The following PPP2R5B variants were observed in gnomAD, a reference collection of about 807,000 sequenced individuals.
PPP2R5B encodes protein phosphatase 2 regulatory subunit B'beta.
Under a neutral mutation model 59.9 loss-of-function variants are expected in PPP2R5B, and 19 were observed. The ratio of observed to expected loss-of-function variants is 0.32; its 90% confidence interval spans 0.22 to 0.47. The LOEUF (loss-of-function observed/expected upper bound fraction) is 0.47. Ranked by LOEUF, PPP2R5B falls within the 20% of genes least tolerant of loss-of-function variation. PPP2R5B has a pLI of 1.00. For synonymous variants in PPP2R5B, 286 were observed against 260.5 expected (o/e 1.10, Z -0.94); for missense variants, 441 against 640.2 (o/e 0.69, Z 3.36).
intron 6 of PPP2R5B, 88 bp downstream of exon 6, chr11:64,928,513 A>C: frequency 1.9e-4 from 295 of 1,576,210 alleles, no homozygotes; most frequent in Non-Finnish European, 2.3e-4. Flanking sequence ...GCGGTGGCTC[A>C]CACCTGTAAT....
rs776247652 is a variant in PPP2R5B at position 64,928,393 on chromosome 11, C to T, written c.690C>T (p.Tyr230=). Residue 230 remains tyrosine (Y), a synonymous_variant, in exon 6 of 14, where the codon TAC becomes TAT. Coordinates refer to ENST00000164133, the MANE Select transcript of PPP2R5B (RefSeq NM_006244.4). ...VYGKFLGLRA[Y]IRKQCNHIFL... ...GCAAGTTCCTGGGTCTCCGGGCCTA[C>T]ATCCGCAAACAGTGCAACCACATCT... 4 of 1,614,286 alleles carry T rather than the reference C, an allele frequency of 2.5e-6. No homozygotes were observed. The highest frequency in any genetic ancestry group is 2.2e-5 in the South Asian group (2 of 91,092).
Position 64,925,941 on chromosome 11 carries a change from G to C in PPP2R5B, c.199+8G>C. ...CGCTGCCCCTGCTCAAAGGTGAGCT[G>C]GCTGCTGGCCACTGGGGGAACCGAA... is the stretch of plus-strand genomic sequence containing the variant. On this transcript the variant is annotated splice_region_variant and intron_variant, in intron 2 of 13. Coordinates refer to ENST00000164133, the MANE Select transcript of PPP2R5B (RefSeq NM_006244.4). The surrounding 1 kb of genome is among the most constrained non-coding windows in gnomAD (Gnocchi z 4.6). The C allele has an allele frequency of 6.2e-7, 1 of 1,609,460 alleles. No individual in the cohort carries two copies. The highest frequency in any genetic ancestry group is 2.2e-5 in the East Asian group (1 of 44,814).
intron 6 of PPP2R5B, among the ~76,000 whole-genome samples, chr11:64,929,423 C>T (rs976884856): frequency 1.3e-5 from 2 of 152,104 alleles, no homozygotes; most frequent in Non-Finnish European, 2.9e-5. Context: ...CTAGTTTGCT[C>T]GTCTTTAAAA....
chr11:64,925,767 C>A lies in PPP2R5B; in HGVS notation c.33C>A (p.Pro11=). The change falls in exon 2 of 14, where the codon CCC becomes CCA. Residue 11 remains proline, a synonymous_variant. Coordinates refer to ENST00000164133, the MANE Select transcript of PPP2R5B (RefSeq NM_006244.4). The surrounding 1 kb of genome is among the most constrained non-coding windows in gnomAD (Gnocchi z 4.6). METKLPPAST[P]TSPSSPGLSP... Reference sequence around the variant, plus strand: ...CGAAGCTGCCCCCTGCAAGCACCCCCACTAGCCCCTCCTCCCCCGGGCTGT... The same window carrying A: ...CGAAGCTGCCCCCTGCAAGCACCCCAACTAGCCCCTCCTCCCCCGGGCTGT... 1 of 1,593,462 alleles carries A rather than the reference C, an allele frequency of 6.3e-7. No individual in the cohort carries two copies. Among genetic ancestry groups the A allele is most frequent in the Non-Finnish European group, 8.6e-7 (1 of 1,167,772 alleles).
In PPP2R5B at chr11:64,928,275, CCT is replaced by C; in HGVS notation, c.592-19_592-18del. On this transcript the variant is annotated intron_variant, in intron 5 of 13. Coordinates refer to ENST00000164133, the MANE Select transcript of PPP2R5B (RefSeq NM_006244.4). Reference sequence around the variant, plus strand: ...CCTTTCCCCTGACCCTGACCCTGACCCTGACTCTGGTTCCCACAGCTCCTGGA... The same window carrying C: ...CCTTTCCCCTGACCCTGACCCTGACCGACTCTGGTTCCCACAGCTCCTGGA... The C allele has an allele frequency of 6.2e-7, 1 of 1,613,208 alleles. No individual in the cohort carries two copies. The highest frequency in any genetic ancestry group is 8.5e-7 in the Non-Finnish European group (1 of 1,179,576).
Position 64,933,340 on chromosome 11 carries a change from C to T in PPP2R5B, c.1346+94C>T, listed in dbSNP as rs1406877093. 4.6e-6 allele frequency: 5 copies of T among 1,078,296 alleles called. No individual in the cohort carries two copies. The Admixed American group carries it at 7.7e-5, about 17-fold the overall frequency. The allele number at this position is 1,078,296 out of a possible 1,614,324, so 66.8% of individuals were successfully genotyped here. The stretch of plus-strand genomic sequence containing the variant: ...GGGAACCCGAGGACTACCCCAAACT[C>T]TGTCTGATCAGATGCTGCAAGACTG... On this transcript the variant is annotated intron_variant, in intron 13 of 13. Coordinates refer to ENST00000164133, the MANE Select transcript of PPP2R5B (RefSeq NM_006244.4).
At chr11:64,920,606 C>G (rs1297320316), upstream of PPP2R5B, among the ~76,000 whole-genome samples, 9 of 150,886 alleles carry the variant, frequency 6.0e-5, no homozygotes, top group South Asian at 8.4e-4. Context: ...CAACGAAGTC[C>G]CAAGCCCCAC....
chr11:64,931,887 G>C lies in PPP2R5B; in HGVS notation c.1116+19G>C. The C allele has an allele frequency of 6.2e-7, 1 of 1,612,890 alleles. No individual in the cohort carries two copies. Among genetic ancestry groups the C allele is most frequent in the Non-Finnish European group, 8.5e-7 (1 of 1,179,608 alleles). On this transcript the variant is annotated intron_variant, in intron 11 of 13. Coordinates refer to ENST00000164133, the MANE Select transcript of PPP2R5B (RefSeq NM_006244.4). The surrounding 1 kb of genome is among the most constrained non-coding windows in gnomAD (Gnocchi z 5.0). ...TTTCCAGGTATGAGGCAGGACAGGC[G>C]GGGATGGGAGCAGGGCTGGCCTGGA...
chr11:64,921,271 T>C (rs1471393701), upstream of PPP2R5B, among the ~76,000 whole-genome samples: 2 of 152,132 alleles, frequency 1.3e-5, no homozygotes, highest in African/African-American at 4.8e-5. Context: ...CCAGCAGTTC[T>C]AACAAATACA....
upstream of PPP2R5B, among the ~76,000 whole-genome samples, chr11:64,923,515 C>G (rs1320946250): frequency 3.9e-5 from 6 of 152,200 alleles, no homozygotes; most frequent in Non-Finnish European, 8.8e-5. Context: ...GTGCCGGAGT[C>G]CTGGACCCCA....
intron 2 of PPP2R5B, among the ~76,000 whole-genome samples, chr11:64,926,495 G>C (rs1221796478): frequency 1.3e-5 from 2 of 152,240 alleles, no homozygotes; most frequent in Non-Finnish European, 2.9e-5. Flanking sequence ...CATACTCTCT[G>C]AGCCTGGATT....
In PPP2R5B at chr11:64,934,089, T is replaced by G; in HGVS notation, c.*245T>G. On this transcript the variant is annotated 3_prime_UTR_variant, in exon 14 of 14. Coordinates refer to ENST00000164133, the MANE Select transcript of PPP2R5B (RefSeq NM_006244.4). ...GGCAAGCTTGACCAGGAAGCTGCCA[T>G]CAGGGATCTTCCCCTGCCCCGCAAA... is the stretch of plus-strand genomic sequence containing the variant. The G allele has an allele frequency of 2.3e-6, 1 of 441,228 alleles. No individual in the cohort carries two copies. The allele number at this position is 441,228 out of a possible 1,614,324, so 27.3% of individuals were successfully genotyped here.
At chr11:64,927,042 CCG>C in intron 3 of PPP2R5B, 134 bp downstream of exon 3, 1 of 1,060,898 alleles carries the variant, frequency 9.4e-7, no homozygotes, top group Non-Finnish European at 1.3e-6. Flanking sequence ...TTCCTTCCCC[CCG>C]ACCTGCTGCT....
chr11:64,926,789 T>C lies in PPP2R5B; in HGVS notation c.277T>C (p.Cys93Arg). ...TGGGGTGATGTTTGACTTCTTGGAC[T>C]GTGTGGCCGACCTCAAGGGGAAGGA... ...QCGVMFDFLD[C>R]VADLKGKEVK... The change falls in exon 3 of 14, where the codon TGT becomes CGT. Residue 93 changes from cysteine (C) to arginine (R), a missense_variant. Physicochemically the swap from Cys to Arg is radical, Grantham distance 180. This residue lies in a region of PPP2R5B where 268 missense variants were observed against 488.1 expected (regional missense o/e 0.55). Transcript: ENST00000164133. 1.9e-6 allele frequency: 3 copies of C among 1,614,166 alleles called. No individual in the cohort carries two copies. The highest frequency in any genetic ancestry group is 1.3e-5 in the African/African-American group (1 of 75,054).
intron 3 of PPP2R5B, 73 bp downstream of exon 3, chr11:64,926,981 C>T: frequency 6.6e-7 from 1 of 1,513,098 alleles, no homozygotes; most frequent in Non-Finnish European, 9.0e-7. Context: ...TCCGCAGGAC[C>T]CCTGCGTGGA....
chr11:64,933,678 C>T lies in PPP2R5B; in HGVS notation c.1347-19C>T, dbSNP rs781001922. On this transcript the variant is annotated intron_variant, in intron 13 of 13. Coordinates refer to ENST00000164133, the MANE Select transcript of PPP2R5B (RefSeq NM_006244.4). ...TGGGGGGCCCCAGGAAAGGGAGCTG[C>T]CTCACCCTCTCTCCCCAGGGAGCAG... 1.7e-5 allele frequency: 27 copies of T among 1,545,428 alleles called. No individual in the cohort carries two copies. The highest frequency in any genetic ancestry group is 2.1e-5 in the Non-Finnish European group (24 of 1,144,060).
Position 64,933,223 on chromosome 11 carries a change from C to T in PPP2R5B, c.1323C>T (p.Ala441=), listed in dbSNP as rs770744755. 6.2e-6 allele frequency: 10 copies of T among 1,611,318 alleles called. No homozygotes were observed. In the East Asian group the frequency reaches 1.8e-4, roughly 29 times the overall value. The change falls in exon 13 of 14, where the codon GCC becomes GCT. Residue 441 remains alanine, a synonymous_variant. Transcript: ENST00000164133. ...GGAAGCTGTTTGATGAGCTCACAGC[C>T]TCCTACAAGCTGGAAAAGCAGCAGT... ...MNGKLFDELT[A]SYKLEKQQEQ... is the part of the protein sequence containing the mutation.
At chr11:64,921,414 C>A (rs679950), upstream of PPP2R5B, among the ~76,000 whole-genome samples, 8 of 152,054 alleles carry the variant, frequency 5.3e-5, no homozygotes, top group East Asian at 3.9e-4. Flanking sequence ...TTGCCCAGGC[C>A]GGGGGGCATC....
At chr11:64,920,958 T>TATATAC (rs1170352637), upstream of PPP2R5B, among the ~76,000 whole-genome samples, 1 of 146,408 alleles carries the variant, frequency 6.8e-6, no homozygotes, top group Non-Finnish European at 1.5e-5. Flanking sequence ...TATATATATA[T>TATATAC]ATGTAATTTT....
Sources: gnomAD v4.1 joint callset for allele counts (sites outside exome capture counted in the v4.1 genomes callset) on GRCh38, gnomAD v4.1.1 for gene constraint, gnomAD v4.1.1 regional missense constraint, Gnocchi (gnomAD v3.1) non-coding constraint, MANE v1.5 for transcripts, NCBI Gene and HGNC (gene_info 2026-07-23, HGNC 2026-07-21) for gene names.